The following CFLAR variants were observed in gnomAD, a reference collection of about 807,000 sequenced individuals.
CFLAR encodes the protein CASP8 and FADD-like apoptosis regulator.
A neutral mutation model predicts 51.1 loss-of-function variants in CFLAR; 14 were observed. The ratio of observed to expected loss-of-function variants is 0.27; its 90% CI spans 0.18 to 0.43. The LOEUF (loss-of-function observed/expected upper bound fraction) is 0.43, where lower values mean the gene tolerates loss of function less well. CFLAR is among the 20% of genes least tolerant of loss of function. The pLI is 1.00. For synonymous variants in CFLAR, 210 were observed against 211.6 expected (o/e 0.99, Z 0.06); for missense variants, 390 against 566.5 (o/e 0.69, Z 3.16).
chr2:201,136,551 G>A, intron 4 of CFLAR: 1 of 1,479,184 alleles, frequency 6.8e-7, no homozygotes, highest in Non-Finnish European at 8.9e-7. Context: ...ATGGAAAAGA[G>A]CACATTCGAT....
At chr2:201,130,223 C>T (rs77837444) in intron 2 of CFLAR, 77 bp downstream of exon 2, 790 of 1,347,680 alleles carry the variant, frequency 5.9e-4, no homozygotes, top group Non-Finnish European at 7.3e-4. Flanking sequence ...ATGGCAGAAA[C>T]GAGGATAATA....
At chr2:201,134,125 C>G (rs2049745218) in intron 3 of CFLAR, among the ~76,000 whole-genome samples, 1 of 148,850 alleles carries the variant, frequency 6.7e-6, no homozygotes, top group Admixed American at 6.7e-5. Flanking sequence ...CCTGGCCAAC[C>G]TGGTGAAACT....
intron 1 of CFLAR, among the ~76,000 whole-genome samples, chr2:201,120,023 C>CTTTTTTTTT (rs34076189): frequency 1.8e-4 from 20 of 112,344 alleles, no homozygotes; most frequent in South Asian, 2.8e-4. Flanking sequence ...CTTTTCTTTT[C>CTTTTTTTTT]TTTTTTTTTT....
At chr2:201,158,900 C>T (rs1046121033) in intron 8 of CFLAR, among the ~76,000 whole-genome samples, 9 of 135,454 alleles carry the variant, frequency 6.6e-5, no homozygotes, top group Admixed American at 4.4e-4. Context: ...GAATTTGAGA[C>T]GGAGTTCTGC....
rs138469682 is a variant in CFLAR at position 201,126,419 on chromosome 2, G to T, written c.-137-3310G>T. Among the ~76,000 whole-genome samples, 125 of 152,298 alleles carry T rather than the reference G, an allele frequency of 8.2e-4. 1 individual carries two copies. Among genetic ancestry groups the T allele is most frequent in the African/African-American group, 2.7e-3 (114 of 41,560 alleles). On this transcript the variant is annotated intron_variant, in intron 1 of 9. Coordinates refer to ENST00000309955, the MANE Select transcript of CFLAR (RefSeq NM_003879.7). Reference sequence around the variant, plus strand: ...TTAATTGCATTCTTGGATGTGCTGGGAGTCAGCTTGCACAAGTTAAGTCCT... The same window carrying T: ...TTAATTGCATTCTTGGATGTGCTGGTAGTCAGCTTGCACAAGTTAAGTCCT...
rs181371294 is a variant in CFLAR at position 201,174,396 on chromosome 2, T to G, written c.*10423T>G. 1.4e-4 allele frequency: 22 copies of G among 152,368 alleles called. No homozygotes were observed. The highest frequency in any genetic ancestry group is 5.0e-4 in the African/African-American group (21 of 41,588). The allele number at this position is 152,368 out of a possible 1,614,324, so 9.4% of individuals were successfully genotyped here. A position where few individuals can be genotyped will look rare whatever the true frequency, so the allele number is the denominator to read the frequency against. On this transcript the variant is annotated 3_prime_UTR_variant, in exon 10 of 10. Coordinates refer to ENST00000309955, the MANE Select transcript of CFLAR (RefSeq NM_003879.7). Reference sequence around the variant, plus strand: ...TTTTCCCTATAGAATTATTTTATACTTATCACAAATCAACTAACTATAAGG... The same window carrying G: ...TTTTCCCTATAGAATTATTTTATACGTATCACAAATCAACTAACTATAAGG...
At chr2:201,152,050 G>A (rs1372632055) in intron 8 of CFLAR, among the ~76,000 whole-genome samples, 4 of 151,612 alleles carry the variant, frequency 2.6e-5, no homozygotes, top group African/African-American at 4.9e-5. Flanking sequence ...GCCATGGTGC[G>A]ATCTTGGCTC....
chr2:201,169,024 G>T lies in CFLAR; in HGVS notation c.*5051G>T, dbSNP rs537154504. The T allele has an allele frequency of 2.0e-5, 3 of 152,222 alleles. No homozygotes were observed. The highest frequency in any genetic ancestry group is 4.1e-4 in the South Asian group (2 of 4,820). The allele number at this position is 152,222 out of a possible 1,614,324, so 9.4% of individuals were successfully genotyped here. A position where few individuals can be genotyped will look rare whatever the true frequency, so the allele number is the denominator to read the frequency against. On this transcript the variant is annotated 3_prime_UTR_variant, in exon 10 of 10. Transcript: ENST00000309955. Reference sequence around the variant, plus strand: ...TAGGAAGAATCAATATCATGAAAATGGCCATACTACCCAAAGTAATTTATA... The same window carrying T: ...TAGGAAGAATCAATATCATGAAAATTGCCATACTACCCAAAGTAATTTATA...
intron 3 of CFLAR, among the ~76,000 whole-genome samples, chr2:201,133,499 A>G (rs1469398755): frequency 6.6e-6 from 1 of 152,100 alleles, no homozygotes; most frequent in Non-Finnish European, 1.5e-5. Context: ...CCACTATAGT[A>G]TCACTCTCCT....
chr2:201,163,873 G>T lies in CFLAR; in HGVS notation c.1343G>T (p.Gly448Val). 6.2e-7 allele frequency: 1 copy of T among 1,613,876 alleles called. No individual in the cohort carries two copies. Among genetic ancestry groups the T allele is most frequent in the Middle Eastern group, 1.6e-4 (1 of 6,062 alleles). Residue 448 changes from glycine to valine, a missense_variant, in exon 10 of 10, where the codon GGC becomes GTC. Around this residue, in one of 2 missense-constraint regions of CFLAR, gnomAD observed 287 missense variants for 363.6 expected, o/e 0.79. Transcript: ENST00000309955. ...PLLDLHIELN[G>V]YMYDWNSRVS... is the part of the protein sequence containing the mutation. ...CTGGATCTTCACATTGAACTCAATGGCTACATGTATGATTGGAACAGCAGA... is the reference window on the plus strand; with the variant it reads ...CTGGATCTTCACATTGAACTCAATGTCTACATGTATGATTGGAACAGCAGA...
At chr2:201,132,949 T>A in intron 2 of CFLAR, 80 bp from the exon 3 acceptor site, 1 of 1,488,252 alleles carries the variant, frequency 6.7e-7, no homozygotes. Flanking sequence ...AATCCATTGT[T>A]GCATAGGGGA....
In CFLAR at chr2:201,116,340, C is replaced by G. The variant is rs1217904590; in HGVS notation, c.-279C>G. On this transcript the variant is annotated 5_prime_UTR_variant, in exon 1 of 10. Transcript: ENST00000309955. The surrounding 1 kb of genome is among the most constrained non-coding windows in gnomAD (Gnocchi z 4.8). The stretch of plus-strand genomic sequence containing the variant: ...CACGGGAGGAGGTGTAGGAGAGAAG[C>G]GCCGCGAACAGCGATCGCCCAGCAC... 6.6e-6 allele frequency: 1 copy of G among 152,308 alleles called. No individual in the cohort carries two copies. Among genetic ancestry groups the G allele is most frequent in the Non-Finnish European group, 1.5e-5 (1 of 68,106 alleles). 9.4% of individuals were successfully genotyped at this position (152,308 alleles called of 1,614,324 possible).
rs1420339527 is a variant in CFLAR at position 201,122,926 on chromosome 2, G to A, written c.-138+6445G>A. Among the ~76,000 whole-genome samples the A allele has an allele frequency of 2.0e-5, 3 of 152,276 alleles. No homozygotes were observed. In the East Asian group the frequency reaches 5.8e-4, roughly 29 times the overall value. On this transcript the variant is annotated intron_variant, in intron 1 of 9. Transcript: ENST00000309955. ...TGCTTGAGCTATGTATCAGAAGTTT[G>A]TCTATAGTATTATGCACAATTTCTG...
chr2:201,171,752 TCTGA>T lies in CFLAR; in HGVS notation c.*7783_*7786del, dbSNP rs1434722833. 4.6e-5 allele frequency: 7 copies of T among 152,084 alleles called. No homozygotes were observed. Among genetic ancestry groups the T allele is most frequent in the African/African-American group, 1.4e-4 (6 of 41,414 alleles). The allele number at this position is 152,084 out of a possible 1,614,324, so 9.4% of individuals were successfully genotyped here. The stretch of plus-strand genomic sequence containing the variant: ...TTCAGTCAAACATTGGAAGTCTTTC[TCTGA>T]CTGTCTAGTTGGTATCTTCATTTTC... On this transcript the variant is annotated 3_prime_UTR_variant, in exon 10 of 10. Transcript: ENST00000309955.
rs1943960379 is a variant in CFLAR, at chr2:201,170,712, AT to A, written c.*6740del. On this transcript the variant is annotated 3_prime_UTR_variant, in exon 10 of 10. Coordinates refer to ENST00000309955, the MANE Select transcript of CFLAR (RefSeq NM_003879.7). Reference sequence around the variant, plus strand: ...TTTGTTTATATCTGTTAATCTTTGTATGTGTTCATGTATAGCTTTTACATGA... The same window carrying A: ...TTTGTTTATATCTGTTAATCTTTGTAGTGTTCATGTATAGCTTTTACATGA... 1 of 152,128 alleles carries A rather than the reference AT, an allele frequency of 6.6e-6. No individual in the cohort carries two copies. The highest frequency in any genetic ancestry group is 2.4e-5 in the African/African-American group (1 of 41,418). The allele number at this position is 152,128 out of a possible 1,614,324, so 9.4% of individuals were successfully genotyped here. A position where few individuals can be genotyped will look rare whatever the true frequency, so the allele number is the denominator to read the frequency against.
In CFLAR at chr2:201,164,237, C is replaced by T. The variant is rs150688414; in HGVS notation, c.*264C>T. The T allele has an allele frequency of 2.3e-3, 584 of 259,054 alleles. 4 individuals are homozygous for T. Among genetic ancestry groups the T allele is most frequent in the African/African-American group, 0.011 (486 of 43,998 alleles). The allele number at this position is 259,054 out of a possible 1,614,324, so 16.0% of individuals were successfully genotyped here. A position where few individuals can be genotyped will look rare whatever the true frequency, so the allele number is the denominator to read the frequency against. ...CTGTGATTGTGCCTACGAATAGCCA[C>T]TGCATACCAACCTGGGCAATATAGC... On this transcript the variant is annotated 3_prime_UTR_variant, in exon 10 of 10. Transcript: ENST00000309955.
At chr2:201,141,593 C>G in intron 5 of CFLAR, 1 of 1,308,184 alleles carries the variant, frequency 7.6e-7, no homozygotes, top group South Asian at 2.2e-5. Flanking sequence ...TATCCTTGTA[C>G]TTCTTTGTGC....
At chr2:201,134,272 C>T (rs1469468933) in intron 3 of CFLAR, among the ~76,000 whole-genome samples, 1 of 151,816 alleles carries the variant, frequency 6.6e-6, no homozygotes, top group African/African-American at 2.4e-5. Flanking sequence ...TGCACCATTG[C>T]ACTCCAGCCT....
At chr2:201,148,230 T>A (rs1940624080) in intron 6 of CFLAR, 1 of 152,212 alleles carries the variant, frequency 6.6e-6, no homozygotes, top group Non-Finnish European at 1.5e-5. Flanking sequence ...CAAATATACA[T>A]TTTTAAGTTC....
Sources: allele counts gnomAD v4.1 joint callset (sites outside exome capture counted in the v4.1 genomes callset), GRCh38; gene constraint gnomAD v4.1.1; regional missense constraint gnomAD v4.1.1; non-coding constraint Gnocchi (gnomAD v3.1); transcripts MANE v1.5; gene names NCBI Gene and HGNC (gene_info 2026-07-23, HGNC 2026-07-21).